The following HEATR5B variants were observed in gnomAD, a reference collection of about 807,000 sequenced individuals.
HEATR5B encodes HEAT repeat-containing protein 5B.
In HEATR5B, 156 loss-of-function variants were observed where a neutral mutation model predicts 224.1. The ratio of observed to expected loss-of-function variants is 0.70; its 90% CI spans 0.61 to 0.80. The LOEUF (loss-of-function observed/expected upper bound fraction) is 0.80. HEATR5B is among the 30% of genes least tolerant of loss of function. The pLI, the probability that HEATR5B is intolerant of heterozygous loss-of-function variation, is 0.00. For synonymous variants in HEATR5B, 1,027 were observed against 893.0 expected (o/e 1.15, Z -2.68); for missense variants, 2,323 against 2,535.5 (o/e 0.92, Z 1.80).
At chr2:37,013,582 T>A (rs903936168) in intron 27 of HEATR5B, among the ~76,000 whole-genome samples, 2 of 152,190 alleles carry the variant, frequency 1.3e-5, no homozygotes, top group African/African-American at 2.4e-5. Flanking sequence ...TGAAATTTAA[T>A]CAAATAAAAG....
Position 37,007,179 on chromosome 2 carries a change from T to A in HEATR5B, c.4648A>T (p.Thr1550Ser). The change falls in exon 29 of 36, where the codon ACA becomes TCA. Residue 1550 changes from threonine (T) to serine (S), a missense_variant. Coordinates refer to ENST00000233099, the MANE Select transcript of HEATR5B (RefSeq NM_019024.3). The part of the protein sequence containing the change: ...NSTGFTCSES[T>S]EAAAISGLQK... Reference sequence around the variant, plus strand: ...AAACCAGATATTGCTGCTGCTTCTGTAGACTCTGAGCACGTAAATCCTGTG... The same window carrying A: ...AAACCAGATATTGCTGCTGCTTCTGAAGACTCTGAGCACGTAAATCCTGTG... 6 of 1,614,146 alleles carry A rather than the reference T, an allele frequency of 3.7e-6. No homozygotes were observed. Among genetic ancestry groups the A allele is most frequent in the Non-Finnish European group, 5.1e-6 (6 of 1,180,030 alleles).
intron 25 of HEATR5B, 124 bp from the exon 26 acceptor site, chr2:37,020,001 T>G: frequency 1.6e-6 from 1 of 606,250 alleles, no homozygotes. Context: ...CCTCGTAGGC[T>G]CAAGCGATTC....
At chr2:37,057,242 T>C (rs958579726) in intron 15 of HEATR5B, 75 bp downstream of exon 15, 34 of 1,158,794 alleles carry the variant, frequency 2.9e-5, no homozygotes, top group Non-Finnish European at 3.9e-5. Context: ...CACTATTTTC[T>C]TTTTAAGTGA....
chr2:37,027,388 T>A (rs1322984018), intron 24 of HEATR5B, among the ~76,000 whole-genome samples: 1 of 152,138 alleles, frequency 6.6e-6, no homozygotes, highest in African/African-American at 2.4e-5. Flanking sequence ...AGGGGATACA[T>A]GGTATAAAAA....
At chr2:37,036,817 T>C (rs1412719197) in intron 21 of HEATR5B, among the ~76,000 whole-genome samples, 3 of 151,920 alleles carry the variant, frequency 2.0e-5, no homozygotes, top group African/African-American at 7.3e-5. Context: ...TGGCCTTAAA[T>C]ACCATTTTTT....
intron 26 of HEATR5B, among the ~76,000 whole-genome samples, chr2:37,019,217 A>G (rs1166717766): frequency 2.0e-5 from 3 of 152,068 alleles, no homozygotes; most frequent in African/African-American, 7.2e-5. Flanking sequence ...CTGCAGATAT[A>G]ACAAGGTGAG....
Position 37,025,476 on chromosome 2 carries a change from T to C in HEATR5B, c.3853+2447A>G, listed in dbSNP as rs114537544. 6.4e-3 allele frequency among the ~76,000 whole-genome samples: 931 copies of C among 146,050 alleles called. 9 individuals are homozygous for C. The highest frequency in any genetic ancestry group is 0.023 in the African/African-American group (893 of 39,460). On this transcript the variant is annotated intron_variant, in intron 24 of 35. Transcript: ENST00000233099. ...TAAAAACCAGAATTAAAAAAAAAAA[T>C]CATGCGGCATCCTCGATAGGATGAA... is the stretch of plus-strand genomic sequence containing the variant.
Position 36,988,652 on chromosome 2 carries a change from G to C in HEATR5B, c.5905C>G (p.Gln1969Glu). 1 of 1,610,342 alleles carries C rather than the reference G, an allele frequency of 6.2e-7. No individual in the cohort carries two copies. The highest frequency in any genetic ancestry group is 8.5e-7 in the Non-Finnish European group (1 of 1,176,812). ...LETLVALGEE[Q>E]NRVQLLALLV... ...TTTATAAGAATATACTTACTGTTTT[G>C]TTCTTCACCAAGAGCAACCAGTGTT... The change falls in exon 35 of 36, where the codon CAA becomes GAA. Residue 1969 changes from glutamine (Q) to glutamate (E), a missense_variant. Transcript: ENST00000233099.
intron 34 of HEATR5B, among the ~76,000 whole-genome samples, chr2:36,990,048 C>T (rs7562158): frequency 0.26 from 39,169 of 151,590 alleles, 5,437 homozygotes; most frequent in Non-Finnish European, 0.3. Context: ...ATTACAGGCG[C>T]ATGCCACCAC....
intron 16 of HEATR5B, among the ~76,000 whole-genome samples, chr2:37,054,330 C>A (rs1325717807): frequency 6.7e-6 from 1 of 148,284 alleles, no homozygotes; most frequent in Non-Finnish European, 1.5e-5. Context: ...GAGTAGCATG[C>A]GCCACCACGC....
At chr2:36,983,296 A>C (rs891573478) in intron 35 of HEATR5B, among the ~76,000 whole-genome samples, 1 of 151,718 alleles carries the variant, frequency 6.6e-6, no homozygotes, top group African/African-American at 2.4e-5. Context: ...TTGGGAGGCC[A>C]AGGTGGGCGG....
chr2:37,003,572 C>A lies in HEATR5B; in HGVS notation c.5020G>T (p.Asp1674Tyr). The A allele has an allele frequency of 6.2e-7, 1 of 1,610,728 alleles. No homozygotes were observed. Among genetic ancestry groups the A allele is most frequent in the Non-Finnish European group, 8.5e-7 (1 of 1,177,768 alleles). ...GTGTTTCTTTTCTCTTGCAAATAAT[C>A]CTGAGCAGCTCTTACTATCTGTTGT... ...VVQQIVRAAQ[D>Y]YLQEKRNTLN... The change falls in exon 31 of 36, where the codon GAT (aspartate) becomes TAT (tyrosine). Residue 1674 changes from aspartate to tyrosine, a missense_variant. By Grantham distance (160) the Asp-to-Tyr change is radical (BLOSUM62 -3). Coordinates refer to ENST00000233099, the MANE Select transcript of HEATR5B (RefSeq NM_019024.3).
At chr2:37,067,605 C>A (rs1354719597) in intron 8 of HEATR5B, among the ~76,000 whole-genome samples, 2 of 152,034 alleles carry the variant, frequency 1.3e-5, no homozygotes, top group East Asian at 3.9e-4. Flanking sequence ...CCTGTTTCTA[C>A]TAAAAATACA....
chr2:37,041,643 G>A (rs1669878106), intron 18 of HEATR5B, among the ~76,000 whole-genome samples: 1 of 152,116 alleles, frequency 6.6e-6, no homozygotes, highest in Non-Finnish European at 1.5e-5. Flanking sequence ...CTAGTAGGGA[G>A]GCTGAAGTGA....
chr2:37,032,660 T>C lies in HEATR5B; in HGVS notation c.3330A>G (p.Lys1110=), dbSNP rs1458111985. The change falls in exon 22 of 36, where the codon AAA becomes AAG. Residue 1110 remains lysine, a synonymous_variant. Coordinates refer to ENST00000233099, the MANE Select transcript of HEATR5B (RefSeq NM_019024.3). ...TACTGCTCTCTTTGTCCCCTGTATT[T>C]TTTGCCAGGCTCATGGCATATTCAC... is the stretch of plus-strand genomic sequence containing the variant. ...EVCEYAMSLA[K]NTGDKESSSA... 6.2e-7 allele frequency: 1 copy of C among 1,613,990 alleles called. No homozygotes were observed. Among genetic ancestry groups the C allele is most frequent in the South Asian group, 1.1e-5 (1 of 91,014 alleles).
chr2:37,054,480 A>ATT (rs11433192), intron 16 of HEATR5B, among the ~76,000 whole-genome samples: 16,972 of 75,176 alleles, frequency 0.23, 2,339 homozygotes, highest in East Asian at 0.34. Flanking sequence ...TGTGCTCTGC[A>ATT]TTTTTTTTTT....
At chr2:37,019,273 A>G (rs1668317095) in intron 26 of HEATR5B, among the ~76,000 whole-genome samples, 1 of 152,148 alleles carries the variant, frequency 6.6e-6, no homozygotes, top group Admixed American at 6.6e-5. Flanking sequence ...CTATATTGTG[A>G]AATTCTCCTT....
chr2:37,055,471 A>G (rs917038150), intron 16 of HEATR5B, among the ~76,000 whole-genome samples: 2 of 152,248 alleles, frequency 1.3e-5, no homozygotes, highest in African/African-American at 4.8e-5. Context: ...ATGTTGAAAT[A>G]GATGCTTTAT....
intron 2 of HEATR5B, among the ~76,000 whole-genome samples, chr2:37,083,004 C>A (rs115806598): frequency 0.014 from 2,158 of 152,096 alleles, 26 homozygotes; most frequent in Non-Finnish European, 0.025. Context: ...ATAGAGAGAT[C>A]ACTTGCAACG....
Sources: gnomAD v4.1 joint callset for allele counts (sites outside exome capture counted in the v4.1 genomes callset) on GRCh38, gnomAD v4.1.1 for gene constraint, MANE v1.5 for transcripts, NCBI Gene and HGNC (gene_info 2026-07-23, HGNC 2026-07-21) for gene names.